WWOX: variants seen among roughly 807,000 people sequenced by gnomAD.
WWOX encodes the protein WW domain-containing oxidoreductase.
WWOX carries 69 observed loss-of-function variants against 46.2 expected under a neutral mutation model. The ratio of observed to expected loss-of-function variants is 1.49; its 90% CI spans 1.23 to 1.82. The LOEUF is 1.82. WWOX is among the 40% of genes most tolerant of loss of function. The pLI is 0.00. For synonymous variants in WWOX, 359 were observed against 202.6 expected (o/e 1.77, Z -6.56); for missense variants, 919 against 542.6 (o/e 1.69, Z -6.89).
intron 8 of WWOX, among the ~76,000 whole-genome samples, chr16:78,808,816 T>C (rs944541674): frequency 6.6e-6 from 1 of 152,156 alleles, no homozygotes; most frequent in Non-Finnish European, 1.5e-5. Flanking sequence ...CCTAAACTGC[T>C]ATTTTATGTC....
chr16:78,582,163 A>G (rs2045072957), intron 8 of WWOX, among the ~76,000 whole-genome samples: 1 of 152,208 alleles, frequency 6.6e-6, no homozygotes, highest in South Asian at 2.1e-4. Context: ...TATGTTCAGC[A>G]CAAGTGAATT....
chr16:78,522,374 G>A (rs2151500166), intron 8 of WWOX, among the ~76,000 whole-genome samples: 1 of 152,300 alleles, frequency 6.6e-6, no homozygotes, highest in Middle Eastern at 3.4e-3. Flanking sequence ...CTGAGGCCAA[G>A]CCTTTTCCCA....
At chr16:78,427,529 T>C (rs8060920) in intron 7 of WWOX, among the ~76,000 whole-genome samples, 44,064 of 148,548 alleles carry the variant, frequency 0.3, 6,569 homozygotes, top group South Asian at 0.47. Context: ...AAATCACACA[T>C]ACACGCACGC....
At chr16:78,455,718 G>C (rs1597109797) in intron 8 of WWOX, among the ~76,000 whole-genome samples, 1 of 117,700 alleles carries the variant, frequency 8.5e-6, no homozygotes, top group Non-Finnish European at 1.8e-5. Flanking sequence ...TTTAAATCAA[G>C]ACAAATTCAA....
intron 8 of WWOX, among the ~76,000 whole-genome samples, chr16:78,657,477 A>G (rs1320057554): frequency 6.6e-6 from 1 of 152,206 alleles, no homozygotes; most frequent in African/African-American, 2.4e-5. Flanking sequence ...CCCTGCCACT[A>G]CGATGCATGC....
In WWOX at chr16:78,824,143, A is replaced by G. The variant is rs184171422; in HGVS notation, c.1057-387465A>G. Among the ~76,000 whole-genome samples the G allele has an allele frequency of 6.5e-4, 99 of 152,256 alleles. 1 individual carries two copies. The highest frequency in any genetic ancestry group is 1.2e-3 in the Non-Finnish European group (79 of 68,000). ...CTTGAAATAAAGTTTTTAAAAATCT[A>G]TTTGATTTTAAACGATCTTTAGAAA... is the stretch of plus-strand genomic sequence containing the variant. On this transcript the variant is annotated intron_variant, in intron 8 of 8. Transcript: ENST00000566780.
chr16:78,760,533 G>C (rs1049732668), intron 8 of WWOX, among the ~76,000 whole-genome samples: 1 of 152,174 alleles, frequency 6.6e-6, no homozygotes, highest in East Asian at 1.9e-4. Flanking sequence ...TCAAACCTAA[G>C]CTTATTCCCA....
At chr16:79,199,566 C>G (rs114935536) in intron 8 of WWOX, among the ~76,000 whole-genome samples, 2,212 of 152,274 alleles carry the variant, frequency 0.015, 32 homozygotes, top group Middle Eastern at 0.051. Flanking sequence ...CCTATTAATA[C>G]AATGAGACTG....
intron 5 of WWOX, among the ~76,000 whole-genome samples, chr16:78,381,397 T>G (rs1228076242): frequency 6.6e-6 from 1 of 152,112 alleles, no homozygotes; most frequent in Non-Finnish European, 1.5e-5. Flanking sequence ...TGAGTGCCAC[T>G]ATATTCAAGG....
intron 8 of WWOX, among the ~76,000 whole-genome samples, chr16:79,130,919 G>T (rs1403135592): frequency 6.6e-6 from 1 of 152,192 alleles, no homozygotes; most frequent in Non-Finnish European, 1.5e-5. Context: ...ATGGCTGCAT[G>T]CCAACCGAAG....
At chr16:78,774,896 A>G (rs2050152464) in intron 8 of WWOX, among the ~76,000 whole-genome samples, 2 of 152,310 alleles carry the variant, frequency 1.3e-5, no homozygotes, top group African/African-American at 4.8e-5. Context: ...ACTAAGACAG[A>G]TGGAACGTCA....
chr16:79,027,541 T>G (rs1274760983), intron 8 of WWOX, among the ~76,000 whole-genome samples: 2 of 151,796 alleles, frequency 1.3e-5, no homozygotes, highest in Non-Finnish European at 2.9e-5. Flanking sequence ...TTCCCCGTTC[T>G]GGAGAGCCTT....
intron 8 of WWOX, among the ~76,000 whole-genome samples, chr16:79,144,635 C>T (rs181659696): frequency 1.3e-5 from 2 of 151,984 alleles, no homozygotes; most frequent in Admixed American, 6.6e-5. Flanking sequence ...AGGAAAAACC[C>T]GACTTTTGAC....
chr16:78,443,080 G>A (rs1482574388), intron 8 of WWOX, among the ~76,000 whole-genome samples: 1 of 144,666 alleles, frequency 6.9e-6, no homozygotes. Context: ...AGGTTGCAGT[G>A]AGCCAAGATC....
intron 8 of WWOX, among the ~76,000 whole-genome samples, chr16:78,827,619 G>T (rs568960834): frequency 6.6e-6 from 1 of 151,938 alleles, no homozygotes; most frequent in South Asian, 2.1e-4. Flanking sequence ...GGTCACCTGA[G>T]GTCAGGACTT....
At chr16:78,353,358 T>TG (rs1443427957) in intron 5 of WWOX, among the ~76,000 whole-genome samples, 1 of 152,182 alleles carries the variant, frequency 6.6e-6, no homozygotes, top group African/African-American at 2.4e-5. Flanking sequence ...TATGAACAGA[T>TG]GCCACAGCTG....
Position 78,099,686 on chromosome 16 carries a change from C to G in WWOX, c.-93C>G. On this transcript the variant is annotated 5_prime_UTR_variant, in exon 1 of 9. Coordinates refer to ENST00000566780, the MANE Select transcript of WWOX (RefSeq NM_016373.4). ...GCAGGCGTGAGCGGTCGGGCCCCGA[C>G]GCGCGCGGGTCTCGTTTGGAGCGGG... 7.0e-7 allele frequency: 1 copy of G among 1,433,480 alleles called. No individual in the cohort carries two copies. The allele number at this position is 1,433,480 out of a possible 1,614,324, so 88.8% of individuals were successfully genotyped here. A position where few individuals can be genotyped will look rare whatever the true frequency, so the allele number is the denominator to read the frequency against.
chr16:78,284,285 TG>T (rs1403240019), intron 5 of WWOX, among the ~76,000 whole-genome samples: 11 of 152,222 alleles, frequency 7.2e-5, no homozygotes, highest in African/African-American at 2.7e-4. Context: ...GTGGCTTCTT[TG>T]ATTGTAAGGT....
At chr16:78,867,153 A>G (rs898599308) in intron 8 of WWOX, among the ~76,000 whole-genome samples, 1 of 152,142 alleles carries the variant, frequency 6.6e-6, no homozygotes, top group Non-Finnish European at 1.5e-5. Flanking sequence ...AATGACAAGA[A>G]AAGTGGAGAA....
Sources: allele counts gnomAD v4.1 joint callset (sites outside exome capture counted in the v4.1 genomes callset), GRCh38; gene constraint gnomAD v4.1.1; transcripts MANE v1.5; gene names NCBI Gene and HGNC (gene_info 2026-07-23, HGNC 2026-07-21).